Variants in HERC4 observed in about 807,000 individuals in gnomAD.
The protein encoded by HERC4 is probable E3 ubiquitin-protein ligase HERC4.
Under a neutral mutation model 124.3 loss-of-function variants are expected in HERC4, and 28 were observed. The observed-to-expected ratio is 0.23, with a 90% CI of 0.17 to 0.31. The LOEUF (loss-of-function observed/expected upper bound fraction) is 0.31, where lower values mean the gene tolerates loss of function less well. Ranked by LOEUF, HERC4 falls within the 10% of genes least tolerant of loss-of-function variation. The pLI is 1.00. For synonymous variants in HERC4, 407 were observed against 421.5 expected (o/e 0.97, Z 0.42); for missense variants, 713 against 1,229.3 (o/e 0.58, Z 6.28).
At chr10:67,998,563 A>AGGGGGG (rs58245126) in intron 9 of HERC4, among the ~76,000 whole-genome samples, 2 of 130,864 alleles carry the variant, frequency 1.5e-5, no homozygotes, top group Non-Finnish European at 3.1e-5. Flanking sequence ...AAAAAAAAAA[A>AGGGGGG]GGGGGGGGGG....
rs1357764238 is a variant in HERC4 at position 67,927,416 on chromosome 10, ATATATATATATATATTTT to A, written c.2839-2247_2839-2230del. On this transcript the variant is annotated intron_variant, in intron 23 of 24. Coordinates refer to ENST00000373700, the MANE Select transcript of HERC4 (RefSeq NM_015601.4). ...TATATATATATATATATATATATAT[ATATATATATATATATTTT>A]TTTTTTTTTTTAGATAGAGTCTTGC... Among the ~76,000 whole-genome samples the A allele has an allele frequency of 1.1e-3, 10 of 8,962 alleles. 1 individual carries two copies. Among genetic ancestry groups the A allele is most frequent in the African/African-American group, 4.4e-3 (10 of 2,290 alleles). 5.9% of individuals were successfully genotyped at this position (8,962 alleles called of 152,430 possible). A position where few individuals can be genotyped will look rare whatever the true frequency, so the allele number is the denominator to read the frequency against.
chr10:67,982,059 T>A (rs1238862443), intron 15 of HERC4, among the ~76,000 whole-genome samples: 1 of 152,194 alleles, frequency 6.6e-6, no homozygotes, highest in Non-Finnish European at 1.5e-5. Context: ...TACAGATTCA[T>A]TGCAATCCTT....
At chr10:67,928,192 A>G (rs1304354060) in intron 23 of HERC4, among the ~76,000 whole-genome samples, 2 of 152,262 alleles carry the variant, frequency 1.3e-5, no homozygotes, top group African/African-American at 4.8e-5. Context: ...GAGAGGAACA[A>G]TGACAGGAGA....
intron 20 of HERC4, among the ~76,000 whole-genome samples, chr10:67,940,674 A>C (rs572344757): frequency 1.3e-5 from 2 of 152,162 alleles, no homozygotes; most frequent in South Asian, 4.1e-4. Context: ...CAAACTCCTG[A>C]CCTCAGGTGA....
At chr10:68,046,533 A>G (rs1203005777) in intron 3 of HERC4, among the ~76,000 whole-genome samples, 1 of 152,200 alleles carries the variant, frequency 6.6e-6, no homozygotes, top group African/African-American at 2.4e-5. Context: ...AGCACTGGAG[A>G]GAGAGAGAGA....
chr10:68,018,259 C>T (rs2038385180), intron 8 of HERC4, among the ~76,000 whole-genome samples: 1 of 147,186 alleles, frequency 6.8e-6, no homozygotes, highest in African/African-American at 2.5e-5. Context: ...GCCATGTTAA[C>T]AGATTAAAGG....
chr10:68,056,660 A>G (rs1211132577), intron 3 of HERC4, among the ~76,000 whole-genome samples: 1 of 152,158 alleles, frequency 6.6e-6, no homozygotes, highest in African/African-American at 2.4e-5. Flanking sequence ...ATTAACCTGG[A>G]ATTAATAAGA....
At chr10:68,014,691 T>C (rs570469926) in intron 8 of HERC4, among the ~76,000 whole-genome samples, 1 of 152,276 alleles carries the variant, frequency 6.6e-6, no homozygotes, top group African/African-American at 2.4e-5. Context: ...AGGAAAGTAA[T>C]CTCTATATGT....
At chr10:67,938,349 G>A (rs2032559082) in intron 21 of HERC4, among the ~76,000 whole-genome samples, 1 of 151,144 alleles carries the variant, frequency 6.6e-6, no homozygotes, top group South Asian at 2.1e-4. Context: ...GCTGAGGCAG[G>A]AGAATTGCTT....
intron 3 of HERC4, among the ~76,000 whole-genome samples, chr10:68,062,076 A>G (rs535970530): frequency 1.6e-4 from 25 of 152,196 alleles, no homozygotes; most frequent in Non-Finnish European, 3.5e-4. Context: ...TAGAACTGGG[A>G]GAAGTCTACA....
At chr10:68,041,451 T>A (rs954431756) in intron 4 of HERC4, among the ~76,000 whole-genome samples, 1 of 152,154 alleles carries the variant, frequency 6.6e-6, no homozygotes, top group African/African-American at 2.4e-5. Flanking sequence ...ATGCTAAAAT[T>A]AGGCAGGAAT....
intron 9 of HERC4, among the ~76,000 whole-genome samples, chr10:68,005,564 G>T (rs528309909): frequency 6.6e-6 from 1 of 152,030 alleles, no homozygotes; most frequent in South Asian, 2.1e-4. Flanking sequence ...ACTTACTCCT[G>T]ACATTTTAAA....
intron 22 of HERC4, 56 bp downstream of exon 22, chr10:67,936,097 A>T: frequency 8.7e-7 from 1 of 1,153,600 alleles, no homozygotes; most frequent in South Asian, 1.4e-5. Flanking sequence ...CTACGTACAG[A>T]AGAAAATGTC....
chr10:67,981,503 A>G (rs916323902), intron 15 of HERC4, among the ~76,000 whole-genome samples: 2 of 152,210 alleles, frequency 1.3e-5, no homozygotes, highest in African/African-American at 2.4e-5. Context: ...ACAAAGAAAC[A>G]TGAGACTTAA....
chr10:67,977,237 G>A (rs1384868489), intron 15 of HERC4, among the ~76,000 whole-genome samples: 1 of 152,140 alleles, frequency 6.6e-6, no homozygotes, highest in Middle Eastern at 3.2e-3. Context: ...AGCTGGATAG[G>A]GCACCAGTCA....
At chr10:68,037,868 T>C (rs965270348) in intron 5 of HERC4, among the ~76,000 whole-genome samples, 1 of 152,124 alleles carries the variant, frequency 6.6e-6, no homozygotes, top group Non-Finnish European at 1.5e-5. Flanking sequence ...AATTGATTTA[T>C]AGAGACAACA....
At chr10:67,987,562 C>CT (rs990504387) in intron 15 of HERC4, among the ~76,000 whole-genome samples, 4 of 152,116 alleles carry the variant, frequency 2.6e-5, no homozygotes, top group African/African-American at 7.2e-5. Context: ...TACTGCAGAC[C>CT]TGGACCCTGA....
rs1475717853 is a variant in HERC4, at chr10:67,954,654, G to A, written c.2278C>T (p.Pro760Ser). The change falls in exon 19 of 25, where the codon CCT (proline) becomes TCT (serine). Residue 760 changes from proline (P) to serine (S), a missense_variant. Transcript: ENST00000373700. The stretch of plus-strand genomic sequence containing the variant: ...TAATACCTAAACATGCCGTATTTAG[G>A]ATCCAATAATTCCCTCATGATGAGC... Reference protein sequence around the residue: ...FLLIMRELLDPKYGMFRYYED... With the variant: ...FLLIMRELLDSKYGMFRYYED... The A allele has an allele frequency of 6.2e-7, 1 of 1,613,304 alleles. No homozygotes were observed. The highest frequency in any genetic ancestry group is 8.5e-7 in the Non-Finnish European group (1 of 1,179,624).
chr10:68,013,874 A>C, intron 9 of HERC4, 152 bp downstream of exon 9: 1 of 546,378 alleles, frequency 1.8e-6, no homozygotes, highest in Non-Finnish European at 3.0e-6. Context: ...AATATAAGCA[A>C]ATCAAACAAC....
Sources: allele counts gnomAD v4.1 joint callset (sites outside exome capture counted in the v4.1 genomes callset), GRCh38; gene constraint gnomAD v4.1.1; transcripts MANE v1.5; gene names NCBI Gene and HGNC (gene_info 2026-07-23, HGNC 2026-07-21).